Variants in NHSL2 observed in about 807,000 individuals in gnomAD.
NHSL2 encodes NHS like 2.
NHSL2 carries 27 observed loss-of-function variants against 53.4 expected under a neutral mutation model. The observed-to-expected ratio is 0.51, with a 90% CI of 0.37 to 0.70. The LOEUF (loss-of-function observed/expected upper bound fraction) is 0.70. NHSL2 is among the 30% of genes least tolerant of loss of function. The probability of loss-of-function intolerance (pLI) is 0.00; values close to 1 mark genes in which losing one functional copy is unlikely to be tolerated. For missense variants in NHSL2, 892 were observed against 980.1 expected (o/e 0.91, Z 1.20); for synonymous variants, 408 against 404.1 (o/e 1.01, Z -0.12).
intron 1 of NHSL2, among the ~76,000 whole-genome samples, chrX:71,971,530 T>C (rs1326824398): frequency 8.9e-6 from 1 of 112,097 alleles, no homozygotes; most frequent in East Asian, 2.8e-4. Context: ...CCATCTAGTG[T>C]CATTTCCTTA....
intron 1 of NHSL2, among the ~76,000 whole-genome samples, chrX:72,069,421 G>A (rs180748846): frequency 9.1e-6 from 1 of 110,451 alleles, no homozygotes; most frequent in South Asian, 3.9e-4. Flanking sequence ...GGGAGGAAGA[G>A]AGAGAGAGAG....
chrX:71,984,893 G>A (rs1310647550), intron 1 of NHSL2, among the ~76,000 whole-genome samples: 2 of 103,638 alleles, frequency 1.9e-5, no homozygotes, highest in Non-Finnish European at 3.9e-5. Flanking sequence ...GCACGATCTC[G>A]GCTCACTGCA....
Position 71,962,344 on chromosome X carries a change from T to G in NHSL2, c.280+50977T>G, listed in dbSNP as rs2041871320. On this transcript the variant is annotated intron_variant, in intron 1 of 7. Transcript: ENST00000633930. ...CCTCAGAGAATAAGTTAGGAAGTGTTCCCTCCTCTTCAATATTCTGAAGAG... is the reference window on the plus strand; with the variant it reads ...CCTCAGAGAATAAGTTAGGAAGTGTGCCCTCCTCTTCAATATTCTGAAGAG... 3.6e-5 allele frequency among the ~76,000 whole-genome samples: 4 copies of G among 111,874 alleles called. No individual in the cohort carries two copies. In the Admixed American group the frequency reaches 3.8e-4, roughly 11 times the overall value.
At chrX:71,957,766 A>G (rs1325493645) in intron 1 of NHSL2, among the ~76,000 whole-genome samples, 2 of 111,211 alleles carry the variant, frequency 1.8e-5, no homozygotes, top group African/African-American at 6.6e-5. Flanking sequence ...GTAGGTGCTC[A>G]GTAAATATCT....
chrX:71,984,084 A>G (rs180844475), intron 1 of NHSL2, among the ~76,000 whole-genome samples: 1 of 111,052 alleles, frequency 9.0e-6, no homozygotes, highest in East Asian at 2.8e-4. Context: ...CCTCACTTTT[A>G]TAAGAGAACC....
chrX:72,151,979 G>A lies in NHSL2; in HGVS notation c.*8405G>A, dbSNP rs945309843. The A allele has an allele frequency of 8.9e-6, 1 of 112,826 alleles. No homozygotes were observed. Among genetic ancestry groups the A allele is most frequent in the Non-Finnish European group, 1.9e-5 (1 of 53,357 alleles). The allele number at this position is 112,826 out of a possible 1,213,427, so 9.3% of individuals were successfully genotyped here. A position where few individuals can be genotyped will look rare whatever the true frequency, so the allele number is the denominator to read the frequency against. ...ACTCAGCCTTAGCAAGAAAACCAAT[G>A]AGGTGCAGAAGATATTCTGTGCCCA... On this transcript the variant is annotated 3_prime_UTR_variant, in exon 8 of 8. Coordinates refer to ENST00000633930, the MANE Select transcript of NHSL2 (RefSeq NM_001013627.3).
intron 1 of NHSL2, among the ~76,000 whole-genome samples, chrX:72,074,298 T>C (rs754460555): frequency 8.9e-6 from 1 of 112,771 alleles, no homozygotes; most frequent in African/African-American, 3.2e-5. Context: ...CACAAGTTTA[T>C]TGAATTCTCA....
intron 1 of NHSL2, among the ~76,000 whole-genome samples, chrX:72,056,369 G>A (rs1041268705): frequency 1.8e-5 from 2 of 111,894 alleles, no homozygotes; most frequent in Non-Finnish European, 3.8e-5. Flanking sequence ...AAACTATGGA[G>A]CATCCATATA....
At chrX:71,911,417 A>G (rs948252009) in intron 1 of NHSL2, 50 bp downstream of exon 1, 2 of 998,032 alleles carry the variant, frequency 2.0e-6, no homozygotes, top group African/African-American at 4.1e-5. Flanking sequence ...CCCCGCCTCT[A>G]GGGGCGCCGG....
At chrX:71,936,239 G>A (rs1032721151) in intron 1 of NHSL2, among the ~76,000 whole-genome samples, 3 of 111,864 alleles carry the variant, frequency 2.7e-5, no homozygotes, top group Non-Finnish European at 5.7e-5. Flanking sequence ...CTGTGCTCCC[G>A]AAGCCTAGAG....
chrX:72,134,689 C>G lies in NHSL2; in HGVS notation c.745C>G (p.Pro249Ala). 2.6e-6 allele frequency: 3 copies of G among 1,162,473 alleles called. No individual in the cohort carries two copies. The highest frequency in any genetic ancestry group is 4.7e-4 in the Middle Eastern group (2 of 4,299). ...TTGCTCCACGCAGTCTGACATTGTG[C>G]CCATCAACATCTCTGGTAGAGTTGC... ...QLCSTQSDIV[P>A]INISGQQFDK... The change falls in exon 4 of 8, where the codon CCC becomes GCC. Residue 249 changes from proline to alanine, a missense_variant. Coordinates refer to ENST00000633930, the MANE Select transcript of NHSL2 (RefSeq NM_001013627.3).
chrX:72,130,320 C>T (rs2042275724), intron 1 of NHSL2: 4 of 1,180,292 alleles, frequency 3.4e-6, no homozygotes, highest in Admixed American at 2.2e-5. Flanking sequence ...TTATCTCCTC[C>T]TCCTCCTCTT....
intron 1 of NHSL2, among the ~76,000 whole-genome samples, chrX:71,933,038 A>G: frequency 8.9e-6 from 1 of 112,340 alleles, no homozygotes; most frequent in Non-Finnish European, 1.9e-5. Context: ...TCTCCCACAG[A>G]CACCAAGTGT....
intron 1 of NHSL2, among the ~76,000 whole-genome samples, chrX:72,018,859 A>G (rs73561891): frequency 0.015 from 1,713 of 112,763 alleles, 25 homozygotes; most frequent in African/African-American, 0.052. Flanking sequence ...ATCGGGGCCC[A>G]GGGATGGGGT....
rs760611898 is a variant in NHSL2, at chrX:71,961,565, GT to G, written c.280+50202del. Among the ~76,000 whole-genome samples the G allele has an allele frequency of 5.4e-5, 6 of 111,006 alleles. No individual in the cohort carries two copies. In the East Asian group the frequency reaches 8.4e-4, roughly 16 times the overall value. ...AGAAGTGTCAAGAGAGGGCATCCTT[GT>G]TTTGTTCCTGATTTAAGGAGGAAAG... is the stretch of plus-strand genomic sequence containing the variant. On this transcript the variant is annotated intron_variant, in intron 1 of 7. Coordinates refer to ENST00000633930, the MANE Select transcript of NHSL2 (RefSeq NM_001013627.3).
At chrX:71,993,867 CAA>C (rs764952225) in intron 1 of NHSL2, among the ~76,000 whole-genome samples, 2 of 95,033 alleles carry the variant, frequency 2.1e-5, no homozygotes, top group African/African-American at 3.8e-5. Flanking sequence ...AGGCCAAAAC[CAA>C]AAAAAAAAAA....
chrX:71,927,905 C>G (rs2041693811), intron 1 of NHSL2, among the ~76,000 whole-genome samples: 2 of 111,976 alleles, frequency 1.8e-5, no homozygotes, highest in Admixed American at 1.9e-4. Flanking sequence ...CCTGACATCT[C>G]TTTCCATTAG....
intron 1 of NHSL2, among the ~76,000 whole-genome samples, chrX:72,118,510 C>G (rs1465641401): frequency 9.0e-6 from 1 of 111,584 alleles, no homozygotes; most frequent in African/African-American, 3.3e-5. Flanking sequence ...ACCGTAGCCT[C>G]GAACTCTTGG....
chrX:71,987,666 A>C (rs1301650564), intron 1 of NHSL2, among the ~76,000 whole-genome samples: 1 of 112,621 alleles, frequency 8.9e-6, no homozygotes, highest in East Asian at 2.8e-4. Flanking sequence ...TTTCTGATAA[A>C]ATATTTGATT....
Sources: gnomAD v4.1 joint callset for allele counts (sites outside exome capture counted in the v4.1 genomes callset) on GRCh38, gnomAD v4.1.1 for gene constraint, MANE v1.5 for transcripts, NCBI Gene and HGNC (gene_info 2026-07-23, HGNC 2026-07-21) for gene names.